The following WWP2 variants were observed in gnomAD, a reference collection of about 807,000 sequenced individuals.
WWP2 encodes WW domain containing E3 ubiquitin protein ligase 2.
In WWP2, 57 loss-of-function variants were observed where a neutral mutation model predicts 121.0. That is an observed-to-expected ratio of 0.47 (90% CI 0.38 to 0.59). The LOEUF is 0.59. Among genes scored for constraint, WWP2 ranks in the 20% least tolerant of loss-of-function variants. The pLI, the probability that WWP2 is intolerant of heterozygous loss-of-function variation, is 0.00. For synonymous variants in WWP2, 449 were observed against 441.3 expected, an observed-to-expected ratio of 1.02 and a Z score of -0.22; for missense variants, 962 against 1,158.9, an observed-to-expected ratio of 0.83 and a Z score of 2.47.
intron 4 of WWP2, among the ~76,000 whole-genome samples, chr16:69,818,657 C>G (rs1040946222): frequency 1.3e-5 from 2 of 152,094 alleles, no homozygotes; most frequent in African/African-American, 4.8e-5. Context: ...CACAATGAAT[C>G]GATCCTTCCT....
intron 4 of WWP2, among the ~76,000 whole-genome samples, chr16:69,823,017 G>A (rs1231900647): frequency 6.6e-6 from 1 of 152,100 alleles, no homozygotes; most frequent in Admixed American, 6.6e-5. Flanking sequence ...CGTAATCTCA[G>A]CTACTTGGGA....
At chr16:69,825,214 T>C (rs1200286658) in intron 4 of WWP2, among the ~76,000 whole-genome samples, 2 of 129,496 alleles carry the variant, frequency 1.5e-5, no homozygotes, top group African/African-American at 5.1e-5. Flanking sequence ...CACTTGAGGC[T>C]AGGAGTTCGA....
chr16:69,916,732 A>C (rs1388020068), intron 9 of WWP2, among the ~76,000 whole-genome samples: 3 of 152,152 alleles, frequency 2.0e-5, no homozygotes, highest in African/African-American at 7.2e-5. Context: ...TGTGGCATTC[A>C]ATTGAATGAA....
intron 10 of WWP2, among the ~76,000 whole-genome samples, chr16:69,920,320 G>A (rs375087502): frequency 5.1e-4 from 78 of 152,248 alleles, no homozygotes; most frequent in Non-Finnish European, 1.9e-4. Flanking sequence ...AGCCCAGTGC[G>A]CTCTGCACAC....
At chr16:69,817,246 T>G (rs1226089524) in intron 4 of WWP2, among the ~76,000 whole-genome samples, 1 of 152,144 alleles carries the variant, frequency 6.6e-6, no homozygotes, top group African/African-American at 2.4e-5. Flanking sequence ...GTAATGGGTG[T>G]GCTTTGTTTT....
intron 4 of WWP2, among the ~76,000 whole-genome samples, chr16:69,831,621 T>C (rs2056795221): frequency 1.3e-5 from 2 of 152,086 alleles, no homozygotes; most frequent in African/African-American, 2.4e-5. Flanking sequence ...CTCTTCTCAA[T>C]AGGAAATTAT....
intron 9 of WWP2, among the ~76,000 whole-genome samples, chr16:69,912,204 G>A (rs1288029270): frequency 6.6e-6 from 1 of 151,558 alleles, no homozygotes; most frequent in African/African-American, 2.4e-5. Context: ...CAGGAGAATT[G>A]TTTGAACCCC....
intron 4 of WWP2, among the ~76,000 whole-genome samples, chr16:69,813,354 G>T (rs1298079316): frequency 6.6e-6 from 1 of 152,116 alleles, no homozygotes; most frequent in African/African-American, 2.4e-5. Flanking sequence ...TGGAGATGGG[G>T]TTTCTCCATG....
chr16:69,840,713 T>C (rs1353018783), intron 5 of WWP2, among the ~76,000 whole-genome samples: 1 of 152,182 alleles, frequency 6.6e-6, no homozygotes, highest in African/African-American at 2.4e-5. Flanking sequence ...TTGGAGAGTG[T>C]CCCTTGCTCT....
At chr16:69,848,275 A>G (rs1273369751) in intron 6 of WWP2, among the ~76,000 whole-genome samples, 1 of 151,672 alleles carries the variant, frequency 6.6e-6, no homozygotes, top group Non-Finnish European at 1.5e-5. Flanking sequence ...ACATGGAGAA[A>G]CCCCATCTCT....
chr16:69,870,410 C>T (rs915407227), intron 6 of WWP2, among the ~76,000 whole-genome samples: 8 of 151,640 alleles, frequency 5.3e-5, no homozygotes, highest in African/African-American at 1.9e-4. Flanking sequence ...AAATGATCCT[C>T]CTACTTCAGC....
At chr16:69,830,346 C>T (rs1382701433) in intron 4 of WWP2, among the ~76,000 whole-genome samples, 1 of 152,136 alleles carries the variant, frequency 6.6e-6, no homozygotes, top group Non-Finnish European at 1.5e-5. Flanking sequence ...GCCTCGGCCT[C>T]CCAAAGTGTT....
At chr16:69,781,234 G>A (rs1315058651) in intron 1 of WWP2, among the ~76,000 whole-genome samples, 1 of 152,128 alleles carries the variant, frequency 6.6e-6, no homozygotes, top group Non-Finnish European at 1.5e-5. Context: ...ATGAGGGTGG[G>A]GGGATACTGG....
At position 69,840,316 on chromosome 16, in the gene WWP2, G is replaced by A. The variant is rs917174666; in HGVS notation, c.478+53G>A. On this transcript the variant is annotated intron_variant, in intron 5 of 23. Transcript: ENST00000359154. ...GTGCCGGGACAGGGTGGGGCTGGGC[G>A]GGGGCCAGGAGGTGCTGAGAGCTTG... 2.2e-5 allele frequency: 36 copies of A among 1,606,530 alleles called. No homozygotes were observed. In the East Asian group the frequency reaches 3.4e-4, roughly 15 times the overall value.
At chr16:69,883,252 A>G (rs1330536927) in intron 7 of WWP2, among the ~76,000 whole-genome samples, 1 of 152,106 alleles carries the variant, frequency 6.6e-6, no homozygotes, top group Non-Finnish European at 1.5e-5. Context: ...GCCTCATTAG[A>G]CTTGAGTATG....
At chr16:69,860,392 T>C (rs2151901760) in intron 6 of WWP2, among the ~76,000 whole-genome samples, 1 of 152,236 alleles carries the variant, frequency 6.6e-6, no homozygotes, top group South Asian at 2.1e-4. Flanking sequence ...AAACAAGACA[T>C]GATCTCTGCC....
chr16:69,840,401 C>T lies in WWP2; in HGVS notation c.478+138C>T, dbSNP rs2056956290. 16 of 1,064,832 alleles carry T rather than the reference C, an allele frequency of 1.5e-5. No individual in the cohort carries two copies. In the South Asian group the frequency reaches 2.4e-4, roughly 16 times the overall value. The allele number at this position is 1,064,832 out of a possible 1,614,324, so 66.0% of individuals were successfully genotyped here. On this transcript the variant is annotated intron_variant, in intron 5 of 23. Transcript: ENST00000359154. ...CAGCCTGGCCCATAGCTAGCCCGGA[C>T]TCTTCTTAGCTCCGTGGATCAGTAT...
chr16:69,925,583 G>T lies in WWP2; in HGVS notation c.1234+99G>T. The T allele has an allele frequency of 6.9e-7, 1 of 1,452,054 alleles. No individual in the cohort carries two copies. 89.9% of individuals were successfully genotyped at this position (1,452,054 alleles called of 1,614,324 possible). A position where few individuals can be genotyped will look rare whatever the true frequency, so the allele number is the denominator to read the frequency against. ...CTTCCTTCCCTGTTCCTGTCCCTCT[G>T]TTTTCCATCTCTCCCCTCTCCAGCA... On this transcript the variant is annotated intron_variant, in intron 11 of 23. Transcript: ENST00000359154. This position sits in a 1 kb window ranked among gnomAD's most constrained non-coding sequence, Gnocchi z 4.0.
At position 69,930,146 on chromosome 16, in the gene WWP2, G is replaced by C. The variant is rs780046309; in HGVS notation, c.1333G>C (p.Ala445Pro). ...PRTQGMIQEPALPPGWEMKYT... is the reference protein window; with the variant it reads ...PRTQGMIQEPPLPPGWEMKYT... ...TGTTTCCAGGATGATCCAGGAACCA[G>C]CTCTGCCCCCAGGATGGGAGATGAA... The change falls in exon 13 of 24, where the codon GCT becomes CCT. Residue 445 changes from alanine to proline, a missense_variant. Physicochemically the swap from Ala to Pro is conservative, Grantham distance 27. Transcript: ENST00000359154. The C allele has an allele frequency of 6.2e-7, 1 of 1,614,124 alleles. No individual in the cohort carries two copies. The highest frequency in any genetic ancestry group is 1.1e-5 in the South Asian group (1 of 91,060).
Sources: gnomAD v4.1 joint callset for allele counts (sites outside exome capture counted in the v4.1 genomes callset) on GRCh38, gnomAD v4.1.1 for gene constraint, Gnocchi (gnomAD v3.1) non-coding constraint, MANE v1.5 for transcripts, NCBI Gene and HGNC (gene_info 2026-07-23, HGNC 2026-07-21) for gene names.